DCC: variants seen among roughly 807,000 people sequenced by gnomAD.
DCC encodes the protein DCC netrin 1 receptor, also known as netrin receptor DCC.
Under a neutral mutation model 172.5 loss-of-function variants are expected in DCC, and 58 were observed. That is an observed-to-expected ratio of 0.34 (90% CI 0.27 to 0.42). The LOEUF (loss-of-function observed/expected upper bound fraction) is 0.42, where lower values mean the gene tolerates loss of function less well. DCC is among the 10% of genes least tolerant of loss of function. The probability of loss-of-function intolerance (pLI) is 1.00; values close to 1 mark genes in which losing one functional copy is unlikely to be tolerated. For missense variants in DCC, 1,740 were observed against 1,791.0 expected (o/e 0.97, Z 0.51); for synonymous variants, 709 against 644.5 (o/e 1.10, Z -1.52).
At chr18:52,733,803 G>T (rs569115883) in intron 1 of DCC, among the ~76,000 whole-genome samples, 1 of 152,064 alleles carries the variant, frequency 6.6e-6, no homozygotes, top group Admixed American at 6.6e-5. Context: ...GCAGACATTG[G>T]CATTTTATCC....
intron 1 of DCC, among the ~76,000 whole-genome samples, chr18:52,579,566 T>C (rs963289602): frequency 6.6e-5 from 10 of 152,092 alleles, no homozygotes; most frequent in African/African-American, 2.4e-4. Flanking sequence ...GCATTTATAA[T>C]CCTCACACCT....
Position 52,826,649 on chromosome 18 carries a change from T to G in DCC, c.412+74275T>G, listed in dbSNP as rs201599751. ...GTGAGCCACCACACTCAGCTAATTT[T>G]TGTATTTTTAGTAGAGATGGGGTTT... On this transcript the variant is annotated intron_variant, in intron 2 of 28. Transcript: ENST00000442544. Among the ~76,000 whole-genome samples, 3 of 152,132 alleles carry G rather than the reference T, an allele frequency of 2.0e-5. No individual in the cohort carries two copies. In the East Asian group the frequency reaches 5.8e-4, roughly 29 times the overall value.
At chr18:53,503,019 C>A (rs1488678295) in intron 27 of DCC, among the ~76,000 whole-genome samples, 1 of 152,014 alleles carries the variant, frequency 6.6e-6, no homozygotes, top group Non-Finnish European at 1.5e-5. Context: ...TTCACCCTAC[C>A]CACCGACAGG....
At chr18:53,393,625 AC>A (rs1351557571) in intron 17 of DCC, among the ~76,000 whole-genome samples, 1 of 152,214 alleles carries the variant, frequency 6.6e-6, no homozygotes, top group Non-Finnish European at 1.5e-5. Context: ...TAATTGCTGT[AC>A]TTTGTAGATA....
chr18:52,942,211 T>G (rs1208452946), intron 5 of DCC, among the ~76,000 whole-genome samples: 1 of 152,222 alleles, frequency 6.6e-6, no homozygotes, highest in Non-Finnish European at 1.5e-5. Context: ...AAAATTCAGT[T>G]TATCCATGTT....
intron 5 of DCC, among the ~76,000 whole-genome samples, chr18:53,053,146 C>G (rs956727469): frequency 6.6e-6 from 1 of 151,944 alleles, no homozygotes; most frequent in African/African-American, 2.4e-5. Flanking sequence ...CCATCTCAAA[C>G]AAAATCAAAA....
intron 22 of DCC, among the ~76,000 whole-genome samples, chr18:53,450,120 GATATAT>G (rs59116255): frequency 1.1e-3 from 162 of 147,278 alleles, no homozygotes; most frequent in African/African-American, 3.2e-3. Context: ...ATCATAGGGG[GATATAT>G]ATATATATAT....
chr18:53,384,619 G>T (rs1908002801), intron 15 of DCC, among the ~76,000 whole-genome samples: 1 of 151,720 alleles, frequency 6.6e-6, no homozygotes, highest in African/African-American at 2.4e-5. Context: ...TCTATTCCTT[G>T]AGTTATGCCA....
intron 1 of DCC, among the ~76,000 whole-genome samples, chr18:52,589,069 T>C (rs189667438): frequency 1.3e-5 from 2 of 152,294 alleles, no homozygotes; most frequent in East Asian, 3.9e-4. Flanking sequence ...ACATGTCTCA[T>C]TGGGTTTTAG....
chr18:52,978,323 AAAAT>A (rs2041155941), intron 5 of DCC, among the ~76,000 whole-genome samples: 2 of 152,180 alleles, frequency 1.3e-5, no homozygotes, highest in Admixed American at 6.5e-5. Context: ...GTAAAGAAAA[AAAAT>A]AAAAAATAAA....
intron 15 of DCC, among the ~76,000 whole-genome samples, chr18:53,346,277 T>A (rs2057723803): frequency 6.6e-6 from 1 of 152,174 alleles, no homozygotes; most frequent in Non-Finnish European, 1.5e-5. Context: ...GCATAGTCAT[T>A]TTTTACTATA....
chr18:52,653,476 C>G (rs990335064), intron 1 of DCC, among the ~76,000 whole-genome samples: 4 of 152,138 alleles, frequency 2.6e-5, no homozygotes, highest in Non-Finnish European at 5.9e-5. Context: ...AGTAATCCAT[C>G]TTAAATCAAT....
intron 1 of DCC, among the ~76,000 whole-genome samples, chr18:52,574,743 C>T (rs1172209447): frequency 1.3e-5 from 2 of 152,112 alleles, no homozygotes; most frequent in Admixed American, 1.3e-4. Flanking sequence ...TGGTTATAGT[C>T]CACTGTTGAA....
intron 1 of DCC, among the ~76,000 whole-genome samples, chr18:52,643,958 GT>G (rs33955494): frequency 6.7e-6 from 1 of 149,656 alleles, no homozygotes; most frequent in African/African-American, 2.4e-5. Flanking sequence ...CAGTATTTTG[GT>G]TTTTTTTTTC....
intron 25 of DCC, chr18:53,480,782 C>T (rs2045822238): frequency 6.6e-6 from 1 of 152,118 alleles, no homozygotes; most frequent in Admixed American, 6.6e-5. Flanking sequence ...ATAATTTGCT[C>T]TTCAACGTGT....
At chr18:53,093,270 C>T (rs1295772023) in intron 7 of DCC, among the ~76,000 whole-genome samples, 1 of 152,126 alleles carries the variant, frequency 6.6e-6, no homozygotes, top group African/African-American at 2.4e-5. Flanking sequence ...GAGCGAGACT[C>T]TGTCTCAAAA....
rs193166365 is a variant in DCC, at chr18:52,572,547, A to G, written c.92-179507A>G. Among the ~76,000 whole-genome samples the G allele has an allele frequency of 1.8e-3, 274 of 152,254 alleles. 1 individual carries two copies. The highest frequency in any genetic ancestry group is 3.1e-3 in the Non-Finnish European group (208 of 68,012). On this transcript the variant is annotated intron_variant, in intron 1 of 28. Transcript: ENST00000442544. ...GTGTCAGAGCTTCTAGAGCTCCTGG[A>G]GTCCAGGCACCTGCAGTTGAGGGCC...
At chr18:52,967,375 T>G (rs2040952325) in intron 5 of DCC, among the ~76,000 whole-genome samples, 1 of 152,216 alleles carries the variant, frequency 6.6e-6, no homozygotes, top group South Asian at 2.1e-4. Flanking sequence ...GCAGGTCTCT[T>G]TCTTAATGAC....
At chr18:52,731,113 G>A (rs1449190111) in intron 1 of DCC, among the ~76,000 whole-genome samples, 1 of 152,140 alleles carries the variant, frequency 6.6e-6, no homozygotes, top group East Asian at 1.9e-4. Context: ...CTATTATGTG[G>A]TCCTGATAAG....
Sources: allele counts gnomAD v4.1 joint callset (sites outside exome capture counted in the v4.1 genomes callset), GRCh38; gene constraint gnomAD v4.1.1; transcripts MANE v1.5; gene names NCBI Gene and HGNC (gene_info 2026-07-23, HGNC 2026-07-21).